Variants in NDST4 observed in about 807,000 individuals in gnomAD.
The protein encoded by NDST4 is N-heparan sulfate sulfotransferase 4.
In NDST4, 63 loss-of-function variants were observed where a neutral mutation model predicts 100.8. That is an observed-to-expected ratio of 0.62 (90% CI 0.51 to 0.77). The LOEUF (loss-of-function observed/expected upper bound fraction) is 0.77. Ranked by LOEUF, NDST4 falls within the 30% of genes least tolerant of loss-of-function variation. The probability of loss-of-function intolerance (pLI) is 0.00; values close to 1 mark genes in which losing one functional copy is unlikely to be tolerated. For missense variants in NDST4, 943 were observed against 1,018.4 expected (o/e 0.93, Z 1.01); for synonymous variants, 377 against 361.8 (o/e 1.04, Z -0.48).
chr4:115,083,499 A>T (rs1015308009), intron 1 of NDST4, among the ~76,000 whole-genome samples: 2 of 152,156 alleles, frequency 1.3e-5, no homozygotes, highest in Non-Finnish European at 2.9e-5. Context: ...ATTATTATAT[A>T]AACATTTAAC....
chr4:114,939,284 T>G (rs554016468), intron 4 of NDST4, among the ~76,000 whole-genome samples: 1 of 152,314 alleles, frequency 6.6e-6, no homozygotes, highest in East Asian at 1.9e-4. Flanking sequence ...CAGACTCCTC[T>G]GTCTGGTAAA....
At chr4:115,028,864 C>T (rs1051077070) in intron 2 of NDST4, among the ~76,000 whole-genome samples, 6 of 152,016 alleles carry the variant, frequency 3.9e-5, no homozygotes, top group African/African-American at 1.4e-4. Context: ...AATTAGATAA[C>T]TAGAGGCAAA....
chr4:115,036,755 G>A (rs1728240703), intron 2 of NDST4, among the ~76,000 whole-genome samples: 1 of 151,786 alleles, frequency 6.6e-6, no homozygotes, highest in African/African-American at 2.4e-5. Flanking sequence ...TGACCTCAAA[G>A]TATGGTCTTA....
intron 11 of NDST4, among the ~76,000 whole-genome samples, chr4:114,838,333 G>A (rs762004947): frequency 2.0e-5 from 3 of 152,272 alleles, no homozygotes; most frequent in Non-Finnish European, 2.9e-5. Flanking sequence ...ATACCCAAAA[G>A]ATTATAAATC....
chr4:114,914,397 A>G (rs995002364), intron 6 of NDST4, among the ~76,000 whole-genome samples: 1 of 152,118 alleles, frequency 6.6e-6, no homozygotes, highest in Non-Finnish European at 1.5e-5. Context: ...ATTTTTATGC[A>G]TTGCATCCCT....
At chr4:114,959,508 A>T (rs1419097739) in intron 4 of NDST4, among the ~76,000 whole-genome samples, 6 of 152,188 alleles carry the variant, frequency 3.9e-5, no homozygotes, top group Non-Finnish European at 8.8e-5. Flanking sequence ...AATAGGGCAT[A>T]TGAGACTTAT....
chr4:114,984,163 T>C (rs538984478), intron 2 of NDST4, among the ~76,000 whole-genome samples: 216 of 151,098 alleles, frequency 1.4e-3, no homozygotes, highest in African/African-American at 5.0e-3. Context: ...TTTATTTATT[T>C]ATTTATTTAT....
rs1489004514 is a variant in NDST4 at position 115,111,867 on chromosome 4, T to C, written c.-247+1577A>G. On this transcript the variant is annotated intron_variant, in intron 1 of 13. Transcript: ENST00000264363. ...TATGAGATGTCTATCAATGTAAACA[T>C]TGTTTAATATTGATCATCATAATGT... Among the ~76,000 whole-genome samples the C allele has an allele frequency of 2.0e-5, 3 of 151,904 alleles. 1 individual carries two copies. The South Asian group carries it at 6.2e-4, about 31-fold the overall frequency.
chr4:114,891,133 GTGT>G (rs1040968003), intron 6 of NDST4, among the ~76,000 whole-genome samples: 3 of 152,032 alleles, frequency 2.0e-5, no homozygotes, highest in African/African-American at 4.8e-5. Flanking sequence ...TGTCCTTGCA[GTGT>G]TTGTCTGCCA....
intron 6 of NDST4, among the ~76,000 whole-genome samples, chr4:114,929,983 T>A (rs995747780): frequency 6.6e-6 from 1 of 152,152 alleles, no homozygotes; most frequent in Non-Finnish European, 1.5e-5. Context: ...CTAGGGCAGA[T>A]ATGTGTCAGG....
chr4:114,923,727 TATATAG>T (rs1725333068), intron 6 of NDST4, among the ~76,000 whole-genome samples: 3 of 152,070 alleles, frequency 2.0e-5, no homozygotes, highest in Admixed American at 1.3e-4. Context: ...TGCCCCAAAA[TATATAG>T]AGAAAAAAGG....
At chr4:114,887,669 A>G (rs1339234086) in intron 6 of NDST4, among the ~76,000 whole-genome samples, 1 of 152,206 alleles carries the variant, frequency 6.6e-6, no homozygotes, top group Non-Finnish European at 1.5e-5. Flanking sequence ...GTAATTTGGC[A>G]TTTAAAATCC....
At chr4:114,828,194 A>T (rs1723122375) in intron 13 of NDST4, among the ~76,000 whole-genome samples, 3 of 152,168 alleles carry the variant, frequency 2.0e-5, no homozygotes, top group Admixed American at 2.0e-4. Context: ...TGTGGGATAT[A>T]TGAAGTCTAC....
chr4:115,097,633 T>A (rs1477066560), intron 1 of NDST4, among the ~76,000 whole-genome samples: 1 of 152,176 alleles, frequency 6.6e-6, no homozygotes, highest in African/African-American at 2.4e-5. Context: ...GATCTCTGCC[T>A]AAGCCCTTGC....
intron 6 of NDST4, among the ~76,000 whole-genome samples, chr4:114,888,315 A>C (rs1468430288): frequency 1.3e-5 from 2 of 152,070 alleles, no homozygotes; most frequent in African/African-American, 2.4e-5. Flanking sequence ...AAACCTTACT[A>C]CAAGTGATAA....
At chr4:115,082,771 C>G (rs184263272) in intron 1 of NDST4, among the ~76,000 whole-genome samples, 67 of 140,224 alleles carry the variant, frequency 4.8e-4, no homozygotes, top group African/African-American at 1.6e-3. Flanking sequence ...TACTAGGATT[C>G]TACAGTTGCA....
At chr4:114,922,293 T>A (rs922922028) in intron 6 of NDST4, among the ~76,000 whole-genome samples, 1 of 152,128 alleles carries the variant, frequency 6.6e-6, no homozygotes, top group African/African-American at 2.4e-5. Flanking sequence ...GATCTTCCTC[T>A]AGAAACACTT....
At chr4:114,920,541 T>G (rs1686142420) in intron 6 of NDST4, among the ~76,000 whole-genome samples, 2 of 152,168 alleles carry the variant, frequency 1.3e-5, no homozygotes, top group South Asian at 4.1e-4. Flanking sequence ...ATATCTTAAA[T>G]TGTGTTAGAA....
intron 6 of NDST4, among the ~76,000 whole-genome samples, chr4:114,926,553 T>TA (rs377609873): frequency 7.4e-4 from 109 of 147,816 alleles, no homozygotes; most frequent in Middle Eastern, 3.5e-3. Context: ...GAGTCAAAAT[T>TA]AAAAAAAAAA....
Sources: allele counts gnomAD v4.1 joint callset (sites outside exome capture counted in the v4.1 genomes callset), GRCh38; gene constraint gnomAD v4.1.1; transcripts MANE v1.5; gene names NCBI Gene and HGNC (gene_info 2026-07-23, HGNC 2026-07-21).